The following WDR49 variants were observed in gnomAD, a reference collection of about 807,000 sequenced individuals.
The protein encoded by WDR49 is cilia- and flagella-associated protein 337.
WDR49 carries 107 observed loss-of-function variants against 119.5 expected under a neutral mutation model. That is an observed-to-expected ratio of 0.90 (90% CI 0.77 to 1.05). The LOEUF (loss-of-function observed/expected upper bound fraction) is 1.05. Ranked by LOEUF, WDR49 falls within the 50% of genes least tolerant of loss-of-function variation. The probability of loss-of-function intolerance (pLI) is 0.00; values close to 1 mark genes in which losing one functional copy is unlikely to be tolerated. For missense variants in WDR49, 1,240 were observed against 1,220.5 expected (o/e 1.02, Z -0.24); for synonymous variants, 425 against 418.8 (o/e 1.01, Z -0.18).
At position 167,514,628 on chromosome 3, in the gene WDR49, GACACACACAC is replaced by G. The variant is rs59265631; in HGVS notation, c.2774+7677_2774+7686del. Among the ~76,000 whole-genome samples, 1,037 of 141,012 alleles carry G rather than the reference GACACACACAC, an allele frequency of 7.4e-3. 8 individuals are homozygous for G. Among genetic ancestry groups the G allele is most frequent in the African/African-American group, 0.022 (850 of 38,180 alleles). The allele number at this position is 141,012 out of a possible 152,430, so 92.5% of individuals were successfully genotyped here. A position where few individuals can be genotyped will look rare whatever the true frequency, so the allele number is the denominator to read the frequency against. On this transcript the variant is annotated intron_variant, in intron 16 of 18. Transcript: ENST00000682715. ...TCAGAGCAGAACTGAAGGAGATGCA[GACACACACAC>G]ACACACACACACACACACACACACA...
intron 10 of WDR49, among the ~76,000 whole-genome samples, chr3:167,551,302 A>C (rs1208958410): frequency 6.6e-6 from 1 of 152,010 alleles, no homozygotes; most frequent in African/African-American, 2.4e-5. Flanking sequence ...AGGGCTTTCA[A>C]CCTAGGTGCA....
In WDR49 at chr3:167,531,210, G is replaced by C. The variant is rs370614740; in HGVS notation, c.2123C>G (p.Thr708Ser). ...AATCTCAAAGTTGCGGACTCCCGTG[G>C]TAGAATGGTCTGCCATGGGGTGGGA... ...QPSHPMADHS[T>S]TGVRNFEIDT... The change falls in exon 13 of 19, where the codon ACC becomes AGC. Residue 708 changes from threonine to serine, a missense_variant. Thr to Ser is a moderately conservative substitution (Grantham distance 58). Transcript: ENST00000682715. 5.0e-6 allele frequency: 8 copies of C among 1,611,804 alleles called. No individual in the cohort carries two copies. The highest frequency in any genetic ancestry group is 6.8e-6 in the Non-Finnish European group (8 of 1,179,592).
At chr3:167,601,822 T>C (rs1715785361) in intron 7 of WDR49, among the ~76,000 whole-genome samples, 1 of 152,194 alleles carries the variant, frequency 6.6e-6, no homozygotes, top group African/African-American at 2.4e-5. Flanking sequence ...CTGTTTTTTC[T>C]ATTGAATTTG....
chr3:167,557,906 T>C (rs1428273908), intron 9 of WDR49, among the ~76,000 whole-genome samples: 3 of 152,056 alleles, frequency 2.0e-5, no homozygotes, highest in African/African-American at 7.2e-5. Context: ...TGAGTCAATA[T>C]CCAAGACAGA....
chr3:167,644,693 G>A (rs1718035596), intron 2 of WDR49, among the ~76,000 whole-genome samples: 1 of 152,076 alleles, frequency 6.6e-6, no homozygotes, highest in Admixed American at 6.6e-5. Context: ...TGGAGGATTA[G>A]AATTGCTGAT....
upstream of WDR49, among the ~76,000 whole-genome samples, chr3:167,655,780 C>T (rs1718585097): frequency 6.6e-6 from 1 of 152,096 alleles, no homozygotes; most frequent in Admixed American, 6.5e-5. Context: ...CGCCTGTAAT[C>T]CCAGCTACTT....
chr3:167,592,050 T>C (rs1057397821), intron 7 of WDR49, among the ~76,000 whole-genome samples: 3 of 152,182 alleles, frequency 2.0e-5, no homozygotes, highest in African/African-American at 7.2e-5. Context: ...CTTTGTATTT[T>C]TTGTTCATTC....
intron 2 of WDR49, among the ~76,000 whole-genome samples, chr3:167,639,027 T>C (rs77720943): frequency 0.01 from 1,530 of 151,826 alleles, 33 homozygotes; most frequent in East Asian, 0.097. Flanking sequence ...TAATTTTCTC[T>C]AAGTCTGTGA....
chr3:167,555,813 T>A (rs1663856616), intron 9 of WDR49, among the ~76,000 whole-genome samples: 1 of 152,180 alleles, frequency 6.6e-6, no homozygotes, highest in Non-Finnish European at 1.5e-5. Flanking sequence ...CAGGATACAT[T>A]CTGAGAAATG....
intron 6 of WDR49, among the ~76,000 whole-genome samples, chr3:167,604,013 C>A (rs1302662562): frequency 6.6e-6 from 1 of 151,828 alleles, no homozygotes; most frequent in South Asian, 2.1e-4. Flanking sequence ...AGATGCTGCA[C>A]AAACTGTCTT....
chr3:167,544,500 T>A (rs1014851801), intron 10 of WDR49, among the ~76,000 whole-genome samples: 1 of 151,754 alleles, frequency 6.6e-6, no homozygotes, highest in Non-Finnish European at 1.5e-5. Context: ...AAAAGGCAAA[T>A]AGACCAGAGG....
chr3:167,479,379 T>C (rs946671078), intron 18 of WDR49, among the ~76,000 whole-genome samples: 1 of 152,150 alleles, frequency 6.6e-6, no homozygotes, highest in African/African-American at 2.4e-5. Context: ...AAAACACAGT[T>C]TGACTGTCTG....
At chr3:167,640,950 A>C (rs990265818) in intron 2 of WDR49, among the ~76,000 whole-genome samples, 32 of 151,858 alleles carry the variant, frequency 2.1e-4, no homozygotes, top group Non-Finnish European at 1.0e-4. Context: ...ACTCCAACCC[A>C]TACACCTACT....
intron 8 of WDR49, among the ~76,000 whole-genome samples, chr3:167,563,243 A>G (rs931249637): frequency 3.3e-5 from 5 of 151,492 alleles, no homozygotes; most frequent in African/African-American, 1.2e-4. Context: ...AGTCCCAGCT[A>G]CTCAGGAGGC....
chr3:167,564,178 G>A (rs757784244), intron 8 of WDR49, among the ~76,000 whole-genome samples: 1 of 152,206 alleles, frequency 6.6e-6, no homozygotes, highest in East Asian at 1.9e-4. Context: ...ACAATTTCTC[G>A]TGAAATCTAA....
At position 167,500,153 on chromosome 3, in the gene WDR49, T is replaced by C. The variant is rs1420250613; in HGVS notation, c.3031A>G (p.Thr1011Ala). The C allele has an allele frequency of 6.4e-7, 1 of 1,562,318 alleles. No individual in the cohort carries two copies. Among genetic ancestry groups the C allele is most frequent in the Non-Finnish European group, 8.6e-7 (1 of 1,164,200 alleles). ...QILEAPSLFK[T>A]LKAVFDEKNL... ...AGGTGTATGATGGCTGAGAACTTACTTTTAAAAAGTGACGGGGCCTCCAGA... is the reference window on the plus strand; with the variant it reads ...AGGTGTATGATGGCTGAGAACTTACCTTTAAAAAGTGACGGGGCCTCCAGA... Residue 1011 changes from threonine to alanine, a missense_variant and splice_region_variant, in exon 18 of 19, where the codon ACT becomes GCT. Transcript: ENST00000682715.
At chr3:167,603,991 T>C (rs1300290275) in intron 6 of WDR49, among the ~76,000 whole-genome samples, 1 of 152,040 alleles carries the variant, frequency 6.6e-6, no homozygotes, top group African/African-American at 2.4e-5. Context: ...GTTAGGAAGA[T>C]GGCAGAATGG....
chr3:167,655,929 A>C (rs201099672), upstream of WDR49, among the ~76,000 whole-genome samples: 734 of 151,892 alleles, frequency 4.8e-3, 2 homozygotes, highest in East Asian at 0.029. Context: ...CTCTCTCTAT[A>C]TATATATATG....
chr3:167,529,043 T>C lies in WDR49; in HGVS notation c.2406+9A>G. ...CTTAAAGGTAATGTGATAATGTTTTTCAATTTACCTCTATATTCCAGATTT... is the reference window on the plus strand; with the variant it reads ...CTTAAAGGTAATGTGATAATGTTTTCCAATTTACCTCTATATTCCAGATTT... On this transcript the variant is annotated intron_variant, in intron 14 of 18. Transcript: ENST00000682715. 6.5e-7 allele frequency: 1 copy of C among 1,541,196 alleles called. No individual in the cohort carries two copies. The highest frequency in any genetic ancestry group is 8.7e-7 in the Non-Finnish European group (1 of 1,149,198).
Sources: gnomAD v4.1 joint callset for allele counts (sites outside exome capture counted in the v4.1 genomes callset) on GRCh38, gnomAD v4.1.1 for gene constraint, MANE v1.5 for transcripts, NCBI Gene and HGNC (gene_info 2026-07-23, HGNC 2026-07-21) for gene names.